Variants in OSBPL8 observed in about 807,000 individuals in gnomAD.
OSBPL8 encodes oxysterol binding protein like 8.
Under a neutral mutation model 125.5 loss-of-function variants are expected in OSBPL8, and 59 were observed. That is an observed-to-expected ratio of 0.47 (90% CI 0.38 to 0.58). The LOEUF (loss-of-function observed/expected upper bound fraction) is 0.58. Ranked by LOEUF, OSBPL8 falls within the 20% of genes least tolerant of loss-of-function variation. The pLI, the probability that OSBPL8 is intolerant of heterozygous loss-of-function variation, is 0.00. For missense variants in OSBPL8, 758 were observed against 1,047.8 expected (o/e 0.72, Z 3.82); for synonymous variants, 330 against 338.9 (o/e 0.97, Z 0.29).
chr12:76,479,946 C>T (rs1280084257), intron 2 of OSBPL8, among the ~76,000 whole-genome samples: 1 of 152,012 alleles, frequency 6.6e-6, no homozygotes, highest in Non-Finnish European at 1.5e-5. Context: ...GCTGGCGGAT[C>T]ACCTGAGGTC....
rs1193185865 is a variant in OSBPL8 at position 76,504,316 on chromosome 12, CAT to C, written c.-67-16700_-67-16699del. ...CTAATCCAATATATATGTATATATT[CAT>C]ATCTTATCAATATAGGTATAAATAA... is the stretch of plus-strand genomic sequence containing the variant. On this transcript the variant is annotated intron_variant, in intron 1 of 23. Coordinates refer to ENST00000261183, the MANE Select transcript of OSBPL8 (RefSeq NM_020841.5). 2.6e-5 allele frequency among the ~76,000 whole-genome samples: 4 copies of C among 152,172 alleles called. No homozygotes were observed. In the South Asian group the frequency reaches 8.3e-4, roughly 32 times the overall value.
chr12:76,429,414 T>TG (rs1348097858), intron 4 of OSBPL8, among the ~76,000 whole-genome samples: 1 of 151,952 alleles, frequency 6.6e-6, no homozygotes, highest in Admixed American at 6.6e-5. Flanking sequence ...AATGAGTACA[T>TG]GTTCATTATA....
chr12:76,362,303 C>T (rs907142144), intron 21 of OSBPL8, among the ~76,000 whole-genome samples: 9 of 6,948 alleles, frequency 1.3e-3, no homozygotes, highest in Non-Finnish European at 0.012. Flanking sequence ...ACCGTCAAAC[C>T]GAATCCAGCA....
At chr12:76,368,453 T>TGG (rs112150096) in intron 21 of OSBPL8, among the ~76,000 whole-genome samples, 3 of 151,962 alleles carry the variant, frequency 2.0e-5, no homozygotes, top group Admixed American at 6.6e-5. Context: ...ATTTGGGGAT[T>TGG]GGGGGGTCTT....
At chr12:76,532,469 C>T (rs1056197938) in intron 1 of OSBPL8, among the ~76,000 whole-genome samples, 1 of 152,134 alleles carries the variant, frequency 6.6e-6, no homozygotes, top group African/African-American at 2.4e-5. Context: ...GTATTAGGAT[C>T]ATGGCAAATC....
rs1315396130 is a variant in OSBPL8, at chr12:76,523,412, AAAC to A, written c.-67-35797_-67-35795del. 3.9e-5 allele frequency among the ~76,000 whole-genome samples: 6 copies of A among 152,310 alleles called. No individual in the cohort carries two copies. The East Asian group carries it at 1.2e-3, about 29-fold the overall frequency. On this transcript the variant is annotated intron_variant, in intron 1 of 23. Coordinates refer to ENST00000261183, the MANE Select transcript of OSBPL8 (RefSeq NM_020841.5). ...GTCAAAGGGAAAATTTAGAGCACTT[AAAC>A]AACAGGTATTTTATAAAAAGTCAAT...
chr12:76,371,286 G>T, intron 19 of OSBPL8, 162 bp downstream of exon 19: 1 of 676,736 alleles, frequency 1.5e-6, no homozygotes, highest in Non-Finnish European at 2.1e-6. Context: ...TATTATATTT[G>T]ACATTCATAT....
intron 1 of OSBPL8, among the ~76,000 whole-genome samples, chr12:76,512,015 G>A (rs1881047473): frequency 6.6e-6 from 1 of 152,088 alleles, no homozygotes; most frequent in Non-Finnish European, 1.5e-5. Context: ...GTGAAGGTTT[G>A]TTACATAGAT....
In OSBPL8 at chr12:76,450,891, C is replaced by T. The variant is rs1203848498; in HGVS notation, c.177G>A (p.Leu59=). The T allele has an allele frequency of 1.9e-6, 3 of 1,613,642 alleles. No individual in the cohort carries two copies. The highest frequency in any genetic ancestry group is 2.5e-6 in the Non-Finnish European group (3 of 1,179,810). Reference sequence around the variant, plus strand: ...TTGCTGGACTAAGAGATGGCTGATGCAAATCTTTGGTTGGCGTTGGATAAG... The same window carrying T: ...TTGCTGGACTAAGAGATGGCTGATGTAAATCTTTGGTTGGCGTTGGATAAG... The part of the protein sequence containing the change: ...KEAYPTPTKD[L]HQPSLSPASP... Residue 59 remains leucine (L), a synonymous_variant, in exon 4 of 24, where the codon TTG becomes TTA. Coordinates refer to ENST00000261183, the MANE Select transcript of OSBPL8 (RefSeq NM_020841.5).
At chr12:76,540,550 A>AT (rs1950612625) in intron 1 of OSBPL8, among the ~76,000 whole-genome samples, 1 of 151,716 alleles carries the variant, frequency 6.6e-6, no homozygotes, top group African/African-American at 2.4e-5. Flanking sequence ...ATCTAGAAGA[A>AT]TAACACCAAA....
chr12:76,413,869 A>G (rs1868335235), intron 4 of OSBPL8, among the ~76,000 whole-genome samples: 1 of 152,104 alleles, frequency 6.6e-6, no homozygotes, highest in Non-Finnish European at 1.5e-5. Flanking sequence ...TGTTGTCAAC[A>G]TCTCCTTATT....
At chr12:76,356,162 T>TGGGGGGGTGTAGGGGGGGGG (rs1951977503) in intron 23 of OSBPL8, 141 bp from the exon 24 acceptor site, 1 of 131,834 alleles carries the variant, frequency 7.6e-6, no homozygotes, top group Non-Finnish European at 1.6e-5. Flanking sequence ...TATGTAGGGG[T>TGGGGGGGTGTAGGGGGGGGG]GGGGGGGGGC....
In OSBPL8 at chr12:76,358,830, AT is replaced by A; in HGVS notation, c.2329-20del. 2 of 1,594,666 alleles carry A rather than the reference AT, an allele frequency of 1.3e-6. No homozygotes were observed. Among genetic ancestry groups the A allele is most frequent in the Non-Finnish European group, 1.7e-6 (2 of 1,162,516 alleles). On this transcript the variant is annotated intron_variant, in intron 21 of 23. Transcript: ENST00000261183. Reference sequence around the variant, plus strand: ...CGCTAACCTAAAGAAAAAAATAACTATTTTGTGAATTTGCACTGTATTTTGG... The same window carrying A: ...CGCTAACCTAAAGAAAAAAATAACTATTTGTGAATTTGCACTGTATTTTGG...
chr12:76,474,243 TTGTC>T (rs1311754061), intron 2 of OSBPL8, among the ~76,000 whole-genome samples: 1 of 152,130 alleles, frequency 6.6e-6, no homozygotes, highest in Non-Finnish European at 1.5e-5. Context: ...AAATCTCCAC[TTGTC>T]TGTCTAGTGA....
At chr12:76,359,861 T>G (rs1268075843) in intron 21 of OSBPL8, among the ~76,000 whole-genome samples, 1 of 151,878 alleles carries the variant, frequency 6.6e-6, no homozygotes, top group Non-Finnish European at 1.5e-5. Context: ...CAACACGTGG[T>G]AATTATGGGA....
chr12:76,520,233 C>CG (rs1881940313), intron 1 of OSBPL8, among the ~76,000 whole-genome samples: 1 of 152,018 alleles, frequency 6.6e-6, no homozygotes, highest in Non-Finnish European at 1.5e-5. Context: ...CTTTAAAAAA[C>CG]AAAAAAGAAA....
At chr12:76,508,747 A>G (rs571505139) in intron 1 of OSBPL8, among the ~76,000 whole-genome samples, 5 of 152,180 alleles carry the variant, frequency 3.3e-5, no homozygotes, top group Non-Finnish European at 7.3e-5. Flanking sequence ...AGATACTCTC[A>G]CCAGCGCCTG....
At chr12:76,519,392 G>T (rs1248381573) in intron 1 of OSBPL8, among the ~76,000 whole-genome samples, 1 of 151,992 alleles carries the variant, frequency 6.6e-6, no homozygotes, top group African/African-American at 2.4e-5. Context: ...CAGTATTTTG[G>T]TCACAACCGT....
In OSBPL8 at chr12:76,390,541, T is replaced by C; in HGVS notation, c.1046A>G (p.Lys349Arg). 6.2e-7 allele frequency: 1 copy of C among 1,613,884 alleles called. No individual in the cohort carries two copies. Among genetic ancestry groups the C allele is most frequent in the East Asian group, 2.2e-5 (1 of 44,828 alleles). Residue 349 changes from lysine to arginine, a missense_variant, in exon 11 of 24, where the codon AAA (lysine) becomes AGA (arginine). This residue lies in a region of OSBPL8 where 572 missense variants were observed against 762.0 expected (regional missense o/e 0.75). Transcript: ENST00000261183. Reference sequence around the variant, plus strand: ...TGTATCTGTGTCACTTTCTTCACTTTTCCCCATCACCTCATTATCAGACTC... The same window carrying C: ...TGTATCTGTGTCACTTTCTTCACTTCTCCCCATCACCTCATTATCAGACTC... ...HDESDNEVMG[K>R]SEESDTDTSE...
Sources: gnomAD v4.1 joint callset for allele counts (sites outside exome capture counted in the v4.1 genomes callset) on GRCh38, gnomAD v4.1.1 for gene constraint, gnomAD v4.1.1 regional missense constraint, MANE v1.5 for transcripts, NCBI Gene and HGNC (gene_info 2026-07-23, HGNC 2026-07-21) for gene names.